Variants in PPARGC1B observed in about 807,000 individuals in gnomAD.
PPARGC1B encodes the protein PPARG coactivator 1 beta, also known as peroxisome proliferator-activated receptor gamma coactivator 1-beta.
PPARGC1B carries 34 observed loss-of-function variants against 101.6 expected under a neutral mutation model. That is an observed-to-expected ratio of 0.33 (90% CI 0.25 to 0.45). The LOEUF (loss-of-function observed/expected upper bound fraction) is 0.45. Among genes scored for constraint, PPARGC1B ranks in the 20% least tolerant of loss-of-function variants. The pLI is 1.00. For missense variants in PPARGC1B, 1,234 were observed against 1,317.6 expected (o/e 0.94, Z 0.98); for synonymous variants, 548 against 539.3 (o/e 1.02, Z -0.22).
chr5:149,814,771 G>A (rs936072410), intron 1 of PPARGC1B, among the ~76,000 whole-genome samples: 3 of 152,224 alleles, frequency 2.0e-5, no homozygotes, highest in African/African-American at 4.8e-5. Flanking sequence ...GAGTCTGGAG[G>A]AAACCCCATT....
chr5:149,775,342 G>A lies in PPARGC1B; in HGVS notation c.78+44922G>A, dbSNP rs115694213. On this transcript the variant is annotated intron_variant, in intron 1 of 11. Transcript: ENST00000309241. ...CCTTGTGTAACCTTGGACAGCTTCC[G>A]TGGCCCTGCAGGTCTTCAACTTCTT... Among the ~76,000 whole-genome samples, 561 of 152,240 alleles carry A rather than the reference G, an allele frequency of 3.7e-3. 5 individuals are homozygous for A. The highest frequency in any genetic ancestry group is 0.014 in the Middle Eastern group (4 of 292).
At chr5:149,836,201 T>A in intron 7 of PPARGC1B, 62 bp from the exon 8 acceptor site, 1 of 1,388,994 alleles carries the variant, frequency 7.2e-7, no homozygotes, top group Non-Finnish European at 9.8e-7. Flanking sequence ...AAACTTAGGG[T>A]CTTAGTGTCC....
Position 149,833,495 on chromosome 5 carries a change from C to T in PPARGC1B, c.1422C>T (p.Cys474=). The part of the protein sequence containing the change: ...KLGRKLESSV[C]PVRRSRRLNP... ...GGAGGAAGCTGGAGAGCTCTGTGTG[C>T]CCCGTGCGGCGTTCTCGGAGACTGA... The change falls in exon 5 of 12, where the codon TGC becomes TGT. Residue 474 remains cysteine, a synonymous_variant. Coordinates refer to ENST00000309241, the MANE Select transcript of PPARGC1B (RefSeq NM_133263.4). This position sits in a 1 kb window ranked among gnomAD's most constrained non-coding sequence, Gnocchi z 4.1. 1.9e-6 allele frequency: 3 copies of T among 1,564,198 alleles called. No homozygotes were observed. The highest frequency in any genetic ancestry group is 2.6e-6 in the Non-Finnish European group (3 of 1,154,160).
rs548138087 is a variant in PPARGC1B at position 149,836,345 on chromosome 5, A to G, written c.1890A>G (p.Lys630=). ...FKPDIKHSLG[K]EIALSLPSPE... ...CAGACATCAAGCATAGTCTAGGCAA[A>G]GAAATAGCTCTCAGCCTCCCCTCCC... The change falls in exon 8 of 12, where the codon AAA becomes AAG. Residue 630 remains lysine, a synonymous_variant. Transcript: ENST00000309241. 1 of 1,614,010 alleles carries G rather than the reference A, an allele frequency of 6.2e-7. No homozygotes were observed. The highest frequency in any genetic ancestry group is 1.1e-5 in the South Asian group (1 of 91,052).
intron 1 of PPARGC1B, among the ~76,000 whole-genome samples, chr5:149,815,462 A>G (rs769075485): frequency 1.3e-5 from 2 of 152,222 alleles, no homozygotes; most frequent in Non-Finnish European, 2.9e-5. Context: ...ATTCCTGCAG[A>G]CACCCTAATC....
In PPARGC1B at chr5:149,795,009, A is replaced by G. The variant is rs186502208; in HGVS notation, c.79-25424A>G. 3.6e-3 allele frequency among the ~76,000 whole-genome samples: 548 copies of G among 152,306 alleles called. 2 individuals are homozygous for G. The highest frequency in any genetic ancestry group is 6.1e-3 in the Non-Finnish European group (418 of 68,018). ...GGACACACGAGACATCTTGACGTCA[A>G]CGGGTCAGCTAGATTCTCCATAAGA... On this transcript the variant is annotated intron_variant, in intron 1 of 11. Transcript: ENST00000309241.
At chr5:149,840,170 T>G in intron 9 of PPARGC1B, 54 bp downstream of exon 9, 1 of 1,534,842 alleles carries the variant, frequency 6.5e-7, no homozygotes, top group South Asian at 1.2e-5. Context: ...ACAGGAAGTG[T>G]GTGGGGGCTT....
At position 149,849,695 on chromosome 5, in the gene PPARGC1B, C is replaced by G. The variant is rs1759699929; in HGVS notation, c.*2137C>G. Reference sequence around the variant, plus strand: ...CTGGCTGGGTTTCATGCTGGCCTATCCCTGTCTGTGATGTTCCGTTCCATG... The same window carrying G: ...CTGGCTGGGTTTCATGCTGGCCTATGCCTGTCTGTGATGTTCCGTTCCATG... On this transcript the variant is annotated 3_prime_UTR_variant, in exon 12 of 12. Transcript: ENST00000309241. 1 of 152,216 alleles carries G rather than the reference C, an allele frequency of 6.6e-6. No homozygotes were observed. Among genetic ancestry groups the G allele is most frequent in the Non-Finnish European group, 1.5e-5 (1 of 68,038 alleles). 9.4% of individuals were successfully genotyped at this position (152,216 alleles called of 1,614,324 possible). A position where few individuals can be genotyped will look rare whatever the true frequency, so the allele number is the denominator to read the frequency against.
Position 149,833,830 on chromosome 5 carries a change from G to A in PPARGC1B, c.1705+52G>A. 1.4e-6 allele frequency: 2 copies of A among 1,442,688 alleles called. No homozygotes were observed. Among genetic ancestry groups the A allele is most frequent in the Non-Finnish European group, 1.8e-6 (2 of 1,102,106 alleles). The allele number at this position is 1,442,688 out of a possible 1,614,324, so 89.4% of individuals were successfully genotyped here. ...TGGGGGCAGGGATGGGGTGCAGCAT[G>A]CCCCTCTGCACTGGGAGCCAGGAGC... is the stretch of plus-strand genomic sequence containing the variant. On this transcript the variant is annotated intron_variant, in intron 5 of 11. Coordinates refer to ENST00000309241, the MANE Select transcript of PPARGC1B (RefSeq NM_133263.4). This position sits in a 1 kb window ranked among gnomAD's most constrained non-coding sequence, Gnocchi z 4.1.
At chr5:149,846,537 G>A (rs1287444682) in intron 11 of PPARGC1B, 1 of 153,536 alleles carries the variant, frequency 6.5e-6, no homozygotes, top group Admixed American at 6.5e-5. Context: ...AGGAGGCAGA[G>A]GTGGGAGGAT....
At chr5:149,754,232 T>G (rs1210915863) in intron 1 of PPARGC1B, among the ~76,000 whole-genome samples, 1 of 152,202 alleles carries the variant, frequency 6.6e-6, no homozygotes, top group Non-Finnish European at 1.5e-5. Flanking sequence ...TCGTATCAGT[T>G]GTCGATTTTC....
rs764935730 is a variant in PPARGC1B, at chr5:149,836,711, C to T, written c.2256C>T (p.Ser752=). ...ATGCTGGCGCCCCACCCAAGGACAG[C>T]ACGCTGCTGAGAGACCATGAGATCC... is the stretch of plus-strand genomic sequence containing the variant. The part of the protein sequence containing the change: ...SCDAGAPPKD[S]TLLRDHEIRA... The change falls in exon 8 of 12, where the codon AGC becomes AGT. Residue 752 remains serine (S), a synonymous_variant. Coordinates refer to ENST00000309241, the MANE Select transcript of PPARGC1B (RefSeq NM_133263.4). 2 of 1,613,612 alleles carry T rather than the reference C, an allele frequency of 1.2e-6. No individual in the cohort carries two copies. Among genetic ancestry groups the T allele is most frequent in the Non-Finnish European group, 1.7e-6 (2 of 1,180,024 alleles).
Position 149,837,103 on chromosome 5 carries a change from C to A in PPARGC1B, c.2618+30C>A, listed in dbSNP as rs45458800. The stretch of plus-strand genomic sequence containing the variant: ...GAACAGGGGGCTGCAGGAGAGGCAG[C>A]GGGCAGTGGAGGATCCCAGTTCCCG... On this transcript the variant is annotated intron_variant, in intron 8 of 11. Transcript: ENST00000309241. The surrounding 1 kb of genome is among the most constrained non-coding windows in gnomAD (Gnocchi z 4.2). 1 of 1,562,308 alleles carries A rather than the reference C, an allele frequency of 6.4e-7. No individual in the cohort carries two copies. Among genetic ancestry groups the A allele is most frequent in the Non-Finnish European group, 8.7e-7 (1 of 1,152,626 alleles).
intron 1 of PPARGC1B, among the ~76,000 whole-genome samples, chr5:149,754,558 T>A (rs1258295345): frequency 6.6e-6 from 1 of 152,178 alleles, no homozygotes; most frequent in Non-Finnish European, 1.5e-5. Context: ...ACATTAGTAT[T>A]TACTTGGTTT....
At chr5:149,749,530 G>A (rs1172627060) in intron 1 of PPARGC1B, among the ~76,000 whole-genome samples, 1 of 152,118 alleles carries the variant, frequency 6.6e-6, no homozygotes, top group Non-Finnish European at 1.5e-5. Flanking sequence ...CAGTCTTTTC[G>A]GAATTGCCAC....
intron 1 of PPARGC1B, among the ~76,000 whole-genome samples, chr5:149,783,638 A>G (rs905382083): frequency 6.6e-6 from 1 of 152,166 alleles, no homozygotes; most frequent in Non-Finnish European, 1.5e-5. Flanking sequence ...ATTCTGGTTC[A>G]GCTCTCTGCT....
At chr5:149,761,255 G>T (rs572974220) in intron 1 of PPARGC1B, among the ~76,000 whole-genome samples, 1 of 152,290 alleles carries the variant, frequency 6.6e-6, no homozygotes, top group Non-Finnish European at 1.5e-5. Context: ...GTGCTTGTGT[G>T]TATGTGTCTG....
At chr5:149,821,212 A>G (rs1758282607) in intron 2 of PPARGC1B, among the ~76,000 whole-genome samples, 1 of 152,180 alleles carries the variant, frequency 6.6e-6, no homozygotes, top group South Asian at 2.1e-4. Context: ...TTGTAAATAC[A>G]ATTATCTCCC....
chr5:149,776,841 G>T (rs570177200), intron 1 of PPARGC1B, among the ~76,000 whole-genome samples: 2 of 152,340 alleles, frequency 1.3e-5, no homozygotes, highest in Admixed American at 1.3e-4. Flanking sequence ...AAATGGCCCC[G>T]TAACCTTTTC....
Sources: gnomAD v4.1 joint callset for allele counts (sites outside exome capture counted in the v4.1 genomes callset) on GRCh38, gnomAD v4.1.1 for gene constraint, Gnocchi (gnomAD v3.1) non-coding constraint, MANE v1.5 for transcripts, NCBI Gene and HGNC (gene_info 2026-07-23, HGNC 2026-07-21) for gene names.